Variants in ACOXL observed in about 807,000 individuals in gnomAD.
ACOXL encodes the protein acyl-coenzyme A oxidase-like protein.
A neutral mutation model predicts 71.9 loss-of-function variants in ACOXL; 70 were observed. That is an observed-to-expected ratio of 0.97 (90% CI 0.80 to 1.19). The LOEUF (loss-of-function observed/expected upper bound fraction) is 1.19, where lower values mean the gene tolerates loss of function less well. Ranked by LOEUF, ACOXL falls within the 50% of genes most tolerant of loss-of-function variation. The probability of loss-of-function intolerance (pLI) is 0.00; values close to 1 mark genes in which losing one functional copy is unlikely to be tolerated. For missense variants in ACOXL, 703 were observed against 736.3 expected, an observed-to-expected ratio of 0.95 and a Z score of 0.52; for synonymous variants, 253 against 281.6, an observed-to-expected ratio of 0.90 and a Z score of 1.02.
At chr2:111,064,981 T>A (rs1456595319) in intron 16 of ACOXL, among the ~76,000 whole-genome samples, 1 of 152,174 alleles carries the variant, frequency 6.6e-6, no homozygotes, top group Non-Finnish European at 1.5e-5. Context: ...TTCAGCAAGA[T>A]TTTTTTATTG....
intron 15 of ACOXL, among the ~76,000 whole-genome samples, chr2:111,042,196 G>A (rs1391618714): frequency 6.6e-6 from 1 of 152,248 alleles, no homozygotes; most frequent in Admixed American, 6.5e-5. Context: ...CATTTTGCCT[G>A]CCTAGGGAAA....
intron 9 of ACOXL, among the ~76,000 whole-genome samples, chr2:110,840,422 A>G (rs758226561): frequency 3.3e-5 from 5 of 152,234 alleles, no homozygotes; most frequent in Non-Finnish European, 5.9e-5. Context: ...CTATCACACA[A>G]TAGGCACACG....
chr2:111,098,208 A>T (rs1229918233), intron 17 of ACOXL: 2 of 152,228 alleles, frequency 1.3e-5, no homozygotes, highest in Non-Finnish European at 2.9e-5. Context: ...ACGGTCTACA[A>T]TTCAGGGGTG....
At chr2:110,919,768 G>GT (rs1021116155) in intron 11 of ACOXL, among the ~76,000 whole-genome samples, 1 of 152,078 alleles carries the variant, frequency 6.6e-6, no homozygotes, top group African/African-American at 2.4e-5. Flanking sequence ...TACACCTATA[G>GT]TTTTTCCTTT....
At chr2:110,851,872 A>G (rs1692641827) in intron 10 of ACOXL, among the ~76,000 whole-genome samples, 1 of 152,216 alleles carries the variant, frequency 6.6e-6, no homozygotes, top group Non-Finnish European at 1.5e-5. Flanking sequence ...CCAGTGAGAA[A>G]GGCGCTCCAT....
chr2:111,065,480 C>A (rs912710116), intron 16 of ACOXL, among the ~76,000 whole-genome samples: 3 of 152,136 alleles, frequency 2.0e-5, no homozygotes, highest in Non-Finnish European at 4.4e-5. Flanking sequence ...AGGGTTCACA[C>A]CCAAAGCGTG....
At chr2:110,759,144 A>G (rs1266713665) in intron 1 of ACOXL, among the ~76,000 whole-genome samples, 1 of 152,186 alleles carries the variant, frequency 6.6e-6, no homozygotes, top group Non-Finnish European at 1.5e-5. Context: ...AGAAGAATGT[A>G]TATTTTGTTG....
At chr2:110,869,502 G>A (rs758356942) in intron 10 of ACOXL, among the ~76,000 whole-genome samples, 6 of 152,138 alleles carry the variant, frequency 3.9e-5, no homozygotes, top group African/African-American at 1.4e-4. Context: ...GCTTCCTGGC[G>A]GGGATGTATT....
intron 10 of ACOXL, among the ~76,000 whole-genome samples, chr2:110,900,657 TCTC>T (rs2059198592): frequency 6.6e-6 from 1 of 152,186 alleles, no homozygotes; most frequent in Non-Finnish European, 1.5e-5. Context: ...CCCAGGATGG[TCTC>T]CTACAGGCAG....
At chr2:111,091,044 T>A (rs1031095824) in intron 16 of ACOXL, among the ~76,000 whole-genome samples, 2 of 152,138 alleles carry the variant, frequency 1.3e-5, no homozygotes, top group Admixed American at 1.3e-4. Context: ...AGAGTTAGGA[T>A]CCCCCTGCTC....
intron 1 of ACOXL, among the ~76,000 whole-genome samples, chr2:110,766,848 G>A (rs988383232): frequency 6.6e-6 from 1 of 152,208 alleles, no homozygotes; most frequent in South Asian, 2.1e-4. Context: ...TGCTGGGCAG[G>A]AGATAGAAGA....
At chr2:111,023,684 C>T (rs904672057) in intron 14 of ACOXL, among the ~76,000 whole-genome samples, 2 of 152,040 alleles carry the variant, frequency 1.3e-5, no homozygotes, top group Non-Finnish European at 2.9e-5. Context: ...AGCCCCTCAG[C>T]GTGGCTGGAG....
At chr2:110,993,227 C>T (rs1345971904) in intron 13 of ACOXL, among the ~76,000 whole-genome samples, 1 of 152,150 alleles carries the variant, frequency 6.6e-6, no homozygotes, top group African/African-American at 2.4e-5. Flanking sequence ...ATGCATAAAC[C>T]TATGTAACCA....
At chr2:111,033,833 T>A (rs1428851056) in intron 15 of ACOXL, among the ~76,000 whole-genome samples, 2 of 152,194 alleles carry the variant, frequency 1.3e-5, no homozygotes, top group Non-Finnish European at 2.9e-5. Context: ...TGGGCCCCTA[T>A]GTACTGACCA....
At chr2:111,075,615 TGG>T (rs1478945284) in intron 16 of ACOXL, among the ~76,000 whole-genome samples, 1 of 152,036 alleles carries the variant, frequency 6.6e-6, no homozygotes, top group Admixed American at 6.5e-5. Context: ...CCAGTTGCTT[TGG>T]GTTTTACTCT....
At chr2:111,083,569 T>C (rs746257947) in intron 16 of ACOXL, among the ~76,000 whole-genome samples, 1 of 151,932 alleles carries the variant, frequency 6.6e-6, no homozygotes, top group Non-Finnish European at 1.5e-5. Flanking sequence ...TTTTTGTTTT[T>C]TTTTTTGAAT....
intron 14 of ACOXL, among the ~76,000 whole-genome samples, chr2:111,030,632 A>G (rs1027577130): frequency 5.9e-5 from 9 of 152,332 alleles, no homozygotes; most frequent in African/African-American, 1.7e-4. Flanking sequence ...GGAAGCAAGT[A>G]ACTATTTAAC....
rs532754808 is a variant in ACOXL, at chr2:110,927,850, T to C, written c.906-5639T>C. Among the ~76,000 whole-genome samples, 9 of 152,336 alleles carry C rather than the reference T, an allele frequency of 5.9e-5. No homozygotes were observed. The South Asian group carries it at 1.2e-3, about 21-fold the overall frequency. On this transcript the variant is annotated intron_variant, in intron 11 of 17. Transcript: ENST00000439055. ...GCTTTGCCTTTAAATCATGTGATCA[T>C]CTTTGAAACGTACATTTCTGAAGGG...
intron 17 of ACOXL, among the ~76,000 whole-genome samples, chr2:111,097,682 G>A (rs1035114794): frequency 1.3e-5 from 2 of 152,166 alleles, no homozygotes; most frequent in African/African-American, 2.4e-5. Context: ...ACAGGAAGGA[G>A]CCAACTGAGA....
Sources: allele counts gnomAD v4.1 joint callset (sites outside exome capture counted in the v4.1 genomes callset), GRCh38; gene constraint gnomAD v4.1.1; transcripts MANE v1.5; gene names NCBI Gene and HGNC (gene_info 2026-07-23, HGNC 2026-07-21).